TNFSF4: variants seen among roughly 807,000 people sequenced by gnomAD.
The protein encoded by TNFSF4 is TNF superfamily member 4.
In TNFSF4, 4 loss-of-function variants were observed where a neutral mutation model predicts 7.3. That is an observed-to-expected ratio of 0.55 (90% CI 0.27 to 1.25). The LOEUF (loss-of-function observed/expected upper bound fraction) is 1.25, where lower values mean the gene tolerates loss of function less well. Ranked by LOEUF, TNFSF4 falls within the 50% of genes most tolerant of loss-of-function variation. The probability of loss-of-function intolerance (pLI) is 0.12; values close to 1 mark genes in which losing one functional copy is unlikely to be tolerated. For missense variants in TNFSF4, 181 were observed against 208.8 expected (o/e 0.87, Z 0.82); for synonymous variants, 76 against 83.7 (o/e 0.91, Z 0.50).
chr1:173,363,544 A>G, the TNFSF4 span: 2 of 498,264 alleles, frequency 4.0e-6, no homozygotes, highest in Non-Finnish European at 8.1e-6. Flanking sequence ...AGCACAAAAT[A>G]TAGCTCTGCT....
the TNFSF4 span, among the ~76,000 whole-genome samples, chr1:173,175,949 G>C: frequency 6.6e-6 from 1 of 151,950 alleles, no homozygotes; most frequent in South Asian, 2.1e-4. Context: ...TTGTTTTTTT[G>C]TGTTTTTTTT....
At chr1:173,445,731 G>A in the TNFSF4 span, among the ~76,000 whole-genome samples, 1 of 152,140 alleles carries the variant, frequency 6.6e-6, no homozygotes, top group African/African-American at 2.4e-5. Context: ...GCCAGAGGAT[G>A]AGGAATAGAA....
the TNFSF4 span, among the ~76,000 whole-genome samples, chr1:173,358,432 G>T: frequency 6.6e-6 from 1 of 152,232 alleles, no homozygotes; most frequent in Non-Finnish European, 1.5e-5. Context: ...CTGCAAGGAA[G>T]TGGAGCAACC....
At chr1:173,296,811 T>C in the TNFSF4 span, among the ~76,000 whole-genome samples, 9 of 151,920 alleles carry the variant, frequency 5.9e-5, no homozygotes, top group Non-Finnish European at 1.0e-4. Context: ...GTGCCTGACA[T>C]GTTCTGGCAA....
At chr1:173,356,260 G>A in the TNFSF4 span, among the ~76,000 whole-genome samples, 1 of 152,072 alleles carries the variant, frequency 6.6e-6, no homozygotes, top group Non-Finnish European at 1.5e-5. Context: ...CTCAGAAGAG[G>A]CATCTTCTCT....
At chr1:173,351,916 G>A in the TNFSF4 span, 1,152 of 549,452 alleles carry the variant, frequency 2.1e-3, 7 homozygotes, top group African/African-American at 0.014. Flanking sequence ...GACAAAGACC[G>A]CAAAAAGATC....
At chr1:173,429,076 G>A in the TNFSF4 span, among the ~76,000 whole-genome samples, 2 of 151,922 alleles carry the variant, frequency 1.3e-5, no homozygotes, top group Non-Finnish European at 2.9e-5. Context: ...CAGGAGAGAG[G>A]ATATGTGTAA....
chr1:173,423,017 G>A, the TNFSF4 span, among the ~76,000 whole-genome samples: 1 of 151,764 alleles, frequency 6.6e-6, no homozygotes, highest in African/African-American at 2.4e-5. Flanking sequence ...TGCCCACACT[G>A]GAGTGCAGCG....
At chr1:173,213,587 C>A in the TNFSF4 span, among the ~76,000 whole-genome samples, 17 of 152,184 alleles carry the variant, frequency 1.1e-4, no homozygotes, top group Middle Eastern at 6.8e-3. Flanking sequence ...TCAAAAAAAT[C>A]AACTTTATTA....
At chr1:173,237,156 G>A in the TNFSF4 span, among the ~76,000 whole-genome samples, 1 of 152,148 alleles carries the variant, frequency 6.6e-6, no homozygotes, top group East Asian at 1.9e-4. Context: ...CACCATGACT[G>A]TGAGACTGCC....
chr1:173,348,384 C>T, the TNFSF4 span, among the ~76,000 whole-genome samples: 2 of 152,180 alleles, frequency 1.3e-5, no homozygotes, highest in African/African-American at 4.8e-5. Flanking sequence ...ATTGTGAGGC[C>T]TCCTCAGCCA....
At chr1:173,283,984 C>T in the TNFSF4 span, among the ~76,000 whole-genome samples, 163 of 144,134 alleles carry the variant, frequency 1.1e-3, no homozygotes, top group Middle Eastern at 8.3e-3. Context: ...CTCCAGTGAA[C>T]ACATGAATGA....
the TNFSF4 span, among the ~76,000 whole-genome samples, chr1:173,426,924 C>G: frequency 1.3e-5 from 2 of 152,152 alleles, no homozygotes; most frequent in Admixed American, 1.3e-4. Context: ...GGATGCAAGA[C>G]AGTCAGAGAG....
chr1:173,347,393 T>G, the TNFSF4 span, among the ~76,000 whole-genome samples: 1 of 152,222 alleles, frequency 6.6e-6, no homozygotes, highest in African/African-American at 2.4e-5. Flanking sequence ...AGGGCAAATT[T>G]CTTTTTGTAT....
the TNFSF4 span, among the ~76,000 whole-genome samples, chr1:173,389,357 G>C: frequency 6.6e-6 from 1 of 152,128 alleles, no homozygotes; most frequent in Non-Finnish European, 1.5e-5. Context: ...TAATAAAATA[G>C]TTCTAAATAT....
the TNFSF4 span, among the ~76,000 whole-genome samples, chr1:173,345,160 C>T: frequency 2.0e-5 from 3 of 152,248 alleles, no homozygotes; most frequent in East Asian, 5.8e-4. Flanking sequence ...GGAAAATGTG[C>T]CTATAGCATA....
chr1:173,404,020 T>C, the TNFSF4 span, among the ~76,000 whole-genome samples: 1 of 152,100 alleles, frequency 6.6e-6, no homozygotes, highest in Non-Finnish European at 1.5e-5. Flanking sequence ...GAAAATCTAT[T>C]GGAGGAAATA....
the TNFSF4 span, among the ~76,000 whole-genome samples, chr1:173,424,491 T>C: frequency 6.6e-6 from 1 of 152,160 alleles, no homozygotes; most frequent in Non-Finnish European, 1.5e-5. Context: ...TGTGATTCTA[T>C]GAGTTCTTAT....
At chr1:173,340,363 C>T in the TNFSF4 span, among the ~76,000 whole-genome samples, 2 of 147,382 alleles carry the variant, frequency 1.4e-5, no homozygotes, top group Non-Finnish European at 3.0e-5. Flanking sequence ...CACACACACA[C>T]ACACATACCC....
Sources: allele counts gnomAD v4.1 joint callset (sites outside exome capture counted in the v4.1 genomes callset), GRCh38; gene constraint gnomAD v4.1.1; transcripts MANE v1.5; gene names NCBI Gene and HGNC (gene_info 2026-07-23, HGNC 2026-07-21).